Variants in TECTA observed in about 807,000 individuals in gnomAD.
TECTA encodes the protein tectorin alpha, also known as alpha-tectorin.
TECTA carries 128 observed loss-of-function variants against 216.8 expected under a neutral mutation model. That is an observed-to-expected ratio of 0.59 (90% CI 0.51 to 0.68). The LOEUF (loss-of-function observed/expected upper bound fraction) is 0.68, where lower values mean the gene tolerates loss of function less well. Ranked by LOEUF, TECTA falls within the 30% of genes least tolerant of loss-of-function variation. TECTA has a pLI of 0.00. For missense variants in TECTA, 2,551 were observed against 2,786.2 expected (o/e 0.92, Z 1.90); for synonymous variants, 1,089 against 1,117.1 (o/e 0.97, Z 0.50).
At chr11:121,181,296 A>G (rs1347709189) in intron 20 of TECTA, among the ~76,000 whole-genome samples, 1 of 151,854 alleles carries the variant, frequency 6.6e-6, no homozygotes, top group Non-Finnish European at 1.5e-5. Flanking sequence ...TCTTTGTTGA[A>G]TTTCTCACTC....
intron 19 of TECTA, 135 bp from the exon 20 acceptor site, chr11:121,168,542 G>A (rs1947078713): frequency 3.0e-6 from 4 of 1,312,452 alleles, no homozygotes; most frequent in Non-Finnish European, 4.4e-6. Context: ...AGCAGGTACT[G>A]TATTGGACAG....
At chr11:121,149,302 CT>C (rs749063754) in intron 12 of TECTA, among the ~76,000 whole-genome samples, 1 of 152,204 alleles carries the variant, frequency 6.6e-6, no homozygotes, top group Non-Finnish European at 1.5e-5. Flanking sequence ...GTCATTTTCC[CT>C]TTTATTGGAG....
intron 12 of TECTA, among the ~76,000 whole-genome samples, chr11:121,150,901 C>G (rs535558686): frequency 6.6e-6 from 1 of 152,086 alleles, no homozygotes; most frequent in African/African-American, 2.4e-5. Flanking sequence ...GCCTCGGCCT[C>G]CCAAAGTGCT....
Position 121,165,218 on chromosome 11 carries a change from C to G in TECTA, c.5273-55C>G, listed in dbSNP as rs939175776. 3.3e-6 allele frequency: 5 copies of G among 1,510,394 alleles called. No individual in the cohort carries two copies. The South Asian group carries it at 4.8e-5, about 15-fold the overall frequency. 93.6% of individuals were successfully genotyped at this position (1,510,394 alleles called of 1,614,324 possible). On this transcript the variant is annotated intron_variant, in intron 16 of 23. Transcript: ENST00000392793. ...AGTCTGGAGTGGAACCAAAAGCTAC[C>G]GCATGTAGGTGTGAAAATGAAGTTG...
intron 10 of TECTA, among the ~76,000 whole-genome samples, chr11:121,134,806 G>T (rs1946710107): frequency 6.6e-6 from 1 of 152,148 alleles, no homozygotes; most frequent in Non-Finnish European, 1.5e-5. Context: ...TTTTTGTGCT[G>T]CATGGAGCAC....
At chr11:121,128,903 C>T (rs1223875052) in intron 9 of TECTA, among the ~76,000 whole-genome samples, 2 of 152,182 alleles carry the variant, frequency 1.3e-5, no homozygotes, top group Non-Finnish European at 2.9e-5. Context: ...ACTTATAGAT[C>T]CTTAGCTCTA....
intron 6 of TECTA, among the ~76,000 whole-genome samples, chr11:121,114,768 C>T (rs1276220049): frequency 1.6e-5 from 1 of 62,150 alleles, no homozygotes; most frequent in Non-Finnish European, 2.8e-5. Context: ...CACCTACCCA[C>T]CCACCCATTC....
intron 9 of TECTA, 118 bp downstream of exon 9, chr11:121,128,462 A>G (rs1946639180): frequency 1.1e-6 from 1 of 944,638 alleles, no homozygotes; most frequent in Admixed American, 2.6e-5. Flanking sequence ...TAGAAAGAAG[A>G]TGGCTCCAAA....
rs776838421 is a variant in TECTA at position 121,136,054 on chromosome 11, G to A, written c.2942-1367G>A. ...GCTCACTGCAACTGCCACCTCCCAG[G>A]TTCGAGCGATTCTAGAGCCTCAGCC... On this transcript the variant is annotated intron_variant, in intron 10 of 23. Coordinates refer to ENST00000392793, the MANE Select transcript of TECTA (RefSeq NM_005422.4). 1.6e-4 allele frequency among the ~76,000 whole-genome samples: 24 copies of A among 152,120 alleles called. No individual in the cohort carries two copies. The Middle Eastern group carries it at 0.01, about 65-fold the overall frequency.
At position 121,166,748 on chromosome 11, in the gene TECTA, AAC is replaced by A; in HGVS notation, c.5557_5558del (p.Thr1853GlnfsTer18). On this transcript the variant is annotated frameshift_variant, in exon 18 of 24. Coordinates refer to ENST00000392793, the MANE Select transcript of TECTA (RefSeq NM_005422.4). LOFTEE classifies it high-confidence loss of function. ...GEDFISFQIN[N>X]TKGNCGNIVQ... ...AGATTTTATCTCCTTTCAGATCAAC[AAC>A]ACCAAAGGGAATTGTGGAAACATTG... is the stretch of plus-strand genomic sequence containing the variant. 1 of 1,614,222 alleles carries A rather than the reference AAC, an allele frequency of 6.2e-7. No individual in the cohort carries two copies. The highest frequency in any genetic ancestry group is 8.5e-7 in the Non-Finnish European group (1 of 1,180,040).
intron 7 of TECTA, 41 bp from the exon 8 acceptor site, chr11:121,125,261 G>T (rs1220235774): frequency 1.3e-6 from 2 of 1,594,608 alleles, no homozygotes; most frequent in Non-Finnish European, 1.7e-6. Flanking sequence ...CAGTGCCTGG[G>T]CACCTGCTCA....
intron 13 of TECTA, 75 bp from the exon 14 acceptor site, chr11:121,157,766 C>T: frequency 1.2e-6 from 2 of 1,606,156 alleles, no homozygotes; most frequent in Non-Finnish European, 1.7e-6. Context: ...TGATAAAAGA[C>T]GAGGGGGACT....
rs1946983716 is a variant in TECTA at position 121,160,188 on chromosome 11, C to G, written c.4743C>G (p.Ile1581Met). 1.2e-6 allele frequency: 2 copies of G among 1,614,078 alleles called. No homozygotes were observed. Among genetic ancestry groups the G allele is most frequent in the Admixed American group, 3.3e-5 (2 of 60,010 alleles). Residue 1581 changes from isoleucine (I) to methionine (M), a missense_variant, in exon 15 of 24, where the codon ATC becomes ATG. Physicochemically the swap from Ile to Met is conservative, Grantham distance 10. Around this residue, in one of 3 missense-constraint regions of TECTA, gnomAD observed 2,375 missense variants for 2,563.9 expected, o/e 0.93. Coordinates refer to ENST00000392793, the MANE Select transcript of TECTA (RefSeq NM_005422.4). ...TTATAACTGGTTTGGCAACCAAAAT[C>G]TACAGCAGTGAGGGGTTTCTGGTGA... ...VPFITGLATK[I>M]YSSEGFLVID...
intron 20 of TECTA, among the ~76,000 whole-genome samples, chr11:121,179,974 G>GTTTTTTTTTTTTTTTTTTTTT (rs368080288): frequency 8.3e-6 from 1 of 120,690 alleles, no homozygotes; most frequent in South Asian, 2.5e-4. Flanking sequence ...TTGTTTGTTT[G>GTTTTTTTTTTTTTTTTTTTTT]TTTTTTTTTT....
intron 7 of TECTA, among the ~76,000 whole-genome samples, chr11:121,121,656 G>C (rs879304151): frequency 6.6e-6 from 1 of 152,196 alleles, no homozygotes; most frequent in African/African-American, 2.4e-5. Flanking sequence ...GCCTGAGTGC[G>C]ACAAGAACAG....
At chr11:121,144,900 CA>C (rs1946819106) in intron 11 of TECTA, among the ~76,000 whole-genome samples, 4 of 152,154 alleles carry the variant, frequency 2.6e-5, no homozygotes, top group Non-Finnish European at 5.9e-5. Flanking sequence ...TGCTGCAATA[CA>C]GTGTATGCAG....
At chr11:121,138,524 C>T (rs1038507033) in intron 11 of TECTA, among the ~76,000 whole-genome samples, 4 of 152,220 alleles carry the variant, frequency 2.6e-5, no homozygotes, top group African/African-American at 9.6e-5. Context: ...CTCCTGGTCC[C>T]TTTTGGCTCC....
In TECTA at chr11:121,166,704, G is replaced by A. The variant is rs1947056659; in HGVS notation, c.5510G>A (p.Cys1837Tyr). 1 of 1,614,204 alleles carries A rather than the reference G, an allele frequency of 6.2e-7. No individual in the cohort carries two copies. Among genetic ancestry groups the A allele is most frequent in the African/African-American group, 1.3e-5 (1 of 75,042 alleles). ...GGCGTGAGGATCAATGACAGACAGT[G>A]CACCGGCATCGAGGGGGAAGATTTT... ...REGVRINDRQ[C>Y]TGIEGEDFIS... Residue 1837 changes from cysteine to tyrosine, a missense_variant, in exon 18 of 24, where the codon TGC becomes TAC. By Grantham distance (194) the Cys-to-Tyr change is radical. Around this residue, in one of 3 missense-constraint regions of TECTA, gnomAD observed 2,375 missense variants for 2,563.9 expected, o/e 0.93. Coordinates refer to ENST00000392793, the MANE Select transcript of TECTA (RefSeq NM_005422.4).
intron 20 of TECTA, among the ~76,000 whole-genome samples, chr11:121,173,883 T>C (rs1324108290): frequency 6.6e-6 from 1 of 152,120 alleles, no homozygotes; most frequent in South Asian, 2.1e-4. Context: ...TGGTTTGTAG[T>C]TCTCCTTGAA....
Sources: gnomAD v4.1 joint callset for allele counts (sites outside exome capture counted in the v4.1 genomes callset) on GRCh38, gnomAD v4.1.1 for gene constraint, gnomAD v4.1.1 regional missense constraint, MANE v1.5 for transcripts, NCBI Gene and HGNC (gene_info 2026-07-23, HGNC 2026-07-21) for gene names.